GABRA5: variants seen among roughly 807,000 people sequenced by gnomAD.
GABRA5 encodes gamma-aminobutyric acid type A receptor subunit alpha5.
Under a neutral mutation model 47.3 loss-of-function variants are expected in GABRA5, and 18 were observed. The observed-to-expected ratio is 0.38, with a 90% CI of 0.26 to 0.56. The LOEUF is 0.56. GABRA5 is among the 20% of genes least tolerant of loss of function. GABRA5 has a pLI of 0.71. For missense variants in GABRA5, 365 were observed against 599.3 expected (o/e 0.61, Z 4.08); for synonymous variants, 237 against 229.3 (o/e 1.03, Z -0.30).
intron 10 of GABRA5, among the ~76,000 whole-genome samples, chr15:26,944,258 C>A (rs1894458908): frequency 6.6e-6 from 1 of 152,208 alleles, no homozygotes; most frequent in South Asian, 2.1e-4. Context: ...AGCAGGAGGC[C>A]CTGGTTCCAC....
intron 6 of GABRA5, among the ~76,000 whole-genome samples, chr15:26,895,008 CTG>C (rs1893146071): frequency 6.6e-6 from 1 of 152,080 alleles, no homozygotes; most frequent in Non-Finnish European, 1.5e-5. Context: ...GGGTCTGAAA[CTG>C]AGCCCAGAGC....
intron 7 of GABRA5, among the ~76,000 whole-genome samples, chr15:26,922,081 C>T (rs1412592262): frequency 6.6e-6 from 1 of 152,106 alleles, no homozygotes; most frequent in African/African-American, 2.4e-5. Flanking sequence ...GGTGGATTGT[C>T]TACAAATTTT....
At chr15:26,941,866 A>G (rs1185455960) in intron 9 of GABRA5, among the ~76,000 whole-genome samples, 2 of 152,232 alleles carry the variant, frequency 1.3e-5, no homozygotes, top group Admixed American at 1.3e-4. Context: ...ATAGCAGATG[A>G]GGGCCTATCC....
intron 7 of GABRA5, among the ~76,000 whole-genome samples, chr15:26,918,547 G>T (rs188241380): frequency 6.6e-6 from 1 of 152,208 alleles, no homozygotes; most frequent in African/African-American, 2.4e-5. Context: ...TGAGAGAGAG[G>T]TATTGAAATC....
intron 7 of GABRA5, among the ~76,000 whole-genome samples, chr15:26,926,987 T>G (rs1380152362): frequency 6.6e-6 from 1 of 152,198 alleles, no homozygotes; most frequent in Non-Finnish European, 1.5e-5. Context: ...ACTTTCTATA[T>G]TCAGTCAAAT....
chr15:26,904,246 C>T (rs1372474416), intron 6 of GABRA5, among the ~76,000 whole-genome samples: 2 of 151,948 alleles, frequency 1.3e-5, no homozygotes, highest in African/African-American at 4.8e-5. Context: ...TTATTTTTGT[C>T]AGTTGTATTG....
chr15:26,933,075 A>C (rs532508850), intron 7 of GABRA5, among the ~76,000 whole-genome samples: 10 of 150,740 alleles, frequency 6.6e-5, no homozygotes, highest in African/African-American at 2.4e-4. Flanking sequence ...AAACAGGCAC[A>C]TCCTGCACAT....
intron 9 of GABRA5, among the ~76,000 whole-genome samples, chr15:26,942,579 T>C (rs555051488): frequency 6.6e-6 from 1 of 152,344 alleles, no homozygotes; most frequent in African/African-American, 2.4e-5. Flanking sequence ...TCATTCTGCC[T>C]TGGATCTTGC....
chr15:26,875,672 G>A (rs1892579502), intron 3 of GABRA5, among the ~76,000 whole-genome samples: 1 of 152,080 alleles, frequency 6.6e-6, no homozygotes, highest in Admixed American at 6.6e-5. Context: ...ACAGCGGAGG[G>A]GCAGGCGTGA....
At position 26,867,226 on chromosome 15, in the gene GABRA5, A is replaced by T. The variant is rs1892336732; in HGVS notation, c.-140+115A>T. 1 of 150,562 alleles carries T rather than the reference A, an allele frequency of 6.6e-6. No homozygotes were observed. The highest frequency in any genetic ancestry group is 2.0e-4 in the East Asian group (1 of 5,058). 9.3% of individuals were successfully genotyped at this position (150,562 alleles called of 1,614,324 possible). Reference sequence around the variant, plus strand: ...GGGCGGCGGCGGGAGCGCGGGGCGCAAGAGCCGCTCCGCCGGGAGTGCCGG... The same window carrying T: ...GGGCGGCGGCGGGAGCGCGGGGCGCTAGAGCCGCTCCGCCGGGAGTGCCGG... On this transcript the variant is annotated intron_variant, in intron 1 of 10. Transcript: ENST00000335625. The surrounding 1 kb of genome is among the most constrained non-coding windows in gnomAD (Gnocchi z 5.9).
At chr15:26,943,093 A>C (rs1894423262) in intron 9 of GABRA5, 122 bp from the exon 10 acceptor site, 2 of 694,692 alleles carry the variant, frequency 2.9e-6, no homozygotes, top group African/African-American at 1.8e-5. Flanking sequence ...CAAAATAAAA[A>C]TAAAAATAAA....
intron 6 of GABRA5, among the ~76,000 whole-genome samples, chr15:26,896,763 T>C (rs1221675871): frequency 6.6e-6 from 1 of 152,112 alleles, no homozygotes; most frequent in African/African-American, 2.4e-5. Flanking sequence ...GAATTAAACA[T>C]CAGAAGGACG....
At chr15:26,871,634 G>A (rs148911787) in intron 3 of GABRA5, among the ~76,000 whole-genome samples, 10 of 152,198 alleles carry the variant, frequency 6.6e-5, no homozygotes, top group African/African-American at 2.4e-4. Flanking sequence ...CCCATTTGGT[G>A]CACTGACTTC....
chr15:26,945,614 A>T (rs943507815), intron 10 of GABRA5, among the ~76,000 whole-genome samples: 1 of 152,156 alleles, frequency 6.6e-6, no homozygotes, highest in Non-Finnish European at 1.5e-5. Context: ...TGCCCACCAG[A>T]TGTGTCTGAT....
chr15:26,915,799 A>G (rs537614009), intron 7 of GABRA5, among the ~76,000 whole-genome samples: 12 of 152,274 alleles, frequency 7.9e-5, no homozygotes, highest in Admixed American at 3.3e-4. Flanking sequence ...AATCCTGGCT[A>G]TCCCACTCCT....
At chr15:26,878,044 C>T (rs1006345906) in intron 3 of GABRA5, among the ~76,000 whole-genome samples, 1 of 152,212 alleles carries the variant, frequency 6.6e-6, no homozygotes, top group African/African-American at 2.4e-5. Context: ...GGCGCGTCGG[C>T]GAGTGTAGGC....
At chr15:26,946,640 A>G (rs1894518854) in intron 10 of GABRA5, among the ~76,000 whole-genome samples, 1 of 152,160 alleles carries the variant, frequency 6.6e-6, no homozygotes, top group Non-Finnish European at 1.5e-5. Flanking sequence ...TGTGTAACTC[A>G]AATCCCTGCC....
intron 6 of GABRA5, among the ~76,000 whole-genome samples, chr15:26,891,941 T>C (rs576366720): frequency 5.3e-4 from 81 of 152,334 alleles, no homozygotes; most frequent in Middle Eastern, 6.8e-3. Context: ...GCACGCTCTC[T>C]GGCCTTGAGC....
At chr15:26,943,152 G>A (rs1010530283) in intron 9 of GABRA5, 63 bp from the exon 10 acceptor site, 2 of 1,223,612 alleles carry the variant, frequency 1.6e-6, no homozygotes, top group Non-Finnish European at 2.3e-6. Context: ...TTGTACTGGG[G>A]TCCTGGGTGC....
Sources: gnomAD v4.1 joint callset for allele counts (sites outside exome capture counted in the v4.1 genomes callset) on GRCh38, gnomAD v4.1.1 for gene constraint, Gnocchi (gnomAD v3.1) non-coding constraint, MANE v1.5 for transcripts, NCBI Gene and HGNC (gene_info 2026-07-23, HGNC 2026-07-21) for gene names.